TYW1: variants seen among roughly 807,000 people sequenced by gnomAD.
TYW1 encodes S-adenosyl-L-methionine-dependent tRNA 4-demethylwyosine synthase TYW1.
TYW1 carries 46 observed loss-of-function variants against 96.2 expected under a neutral mutation model. That is an observed-to-expected ratio of 0.48 (90% confidence interval 0.38 to 0.61). The LOEUF is 0.61. Among genes scored for constraint, TYW1 ranks in the 20% least tolerant of loss-of-function variants. The probability of loss-of-function intolerance (pLI) is 0.00; values close to 1 mark genes in which losing one functional copy is unlikely to be tolerated. For synonymous variants in TYW1, 274 were observed against 323.0 expected (o/e 0.85, Z 1.63); for missense variants, 684 against 909.6 (o/e 0.75, Z 3.19).
chr7:67,010,509 T>A (rs1470775413), intron 4 of TYW1, among the ~76,000 whole-genome samples: 2 of 150,300 alleles, frequency 1.3e-5, no homozygotes, highest in Non-Finnish European at 3.0e-5. Context: ...GGAGTCTCGC[T>A]CTGTCACCCA....
At chr7:67,086,420 G>A (rs12333596) in intron 11 of TYW1, among the ~76,000 whole-genome samples, 36,910 of 152,084 alleles carry the variant, frequency 0.24, 4,761 homozygotes, top group African/African-American at 0.32. Context: ...AACAGAACCA[G>A]TGGGTGTATG....
At chr7:67,237,553 G>A (rs1272046794) in intron 15 of TYW1, among the ~76,000 whole-genome samples, 1 of 150,350 alleles carries the variant, frequency 6.7e-6, no homozygotes, top group Non-Finnish European at 1.5e-5. Flanking sequence ...CTGTTTATGA[G>A]TCAGGTATCA....
At position 67,055,895 on chromosome 7, in the gene TYW1, T is replaced by A; in HGVS notation, c.1155+8T>A. 3 of 1,612,244 alleles carry A rather than the reference T, an allele frequency of 1.9e-6. No homozygotes were observed. Among genetic ancestry groups the A allele is most frequent in the Non-Finnish European group, 2.5e-6 (3 of 1,179,012 alleles). On this transcript the variant is annotated splice_region_variant and intron_variant, in intron 9 of 15. Coordinates refer to ENST00000359626, the MANE Select transcript of TYW1 (RefSeq NM_018264.4). ...CTTTGCAGGTGGACAAAGGTATTTT[T>A]TTTGTTTTTATTCAATATGTCTATT...
At chr7:67,168,705 T>C (rs566884162) in intron 13 of TYW1, among the ~76,000 whole-genome samples, 1 of 151,184 alleles carries the variant, frequency 6.6e-6, no homozygotes, top group Non-Finnish European at 1.5e-5. Flanking sequence ...TTATTTCTTA[T>C]TCTTTTTTTT....
Position 67,098,703 on chromosome 7 carries a change from T to C in TYW1, c.1547T>C (p.Phe516Ser), listed in dbSNP as rs1278171471. Residue 516 changes from phenylalanine (F) to serine (S), a missense_variant, in exon 12 of 16, where the codon TTT (phenylalanine) becomes TCT (serine). By Grantham distance (155) the Phe-to-Ser change is radical. Coordinates refer to ENST00000359626, the MANE Select transcript of TYW1 (RefSeq NM_018264.4). ...ISSFLVTNAQFPAEIRNLEPV... is the reference protein window; with the variant it reads ...ISSFLVTNAQSPAEIRNLEPV... The stretch of plus-strand genomic sequence containing the variant: ...AGCTTCCTGGTCACAAACGCACAAT[T>C]TCCTGCGGAAATCAGGTGAGTTCTC... 1 of 1,613,728 alleles carries C rather than the reference T, an allele frequency of 6.2e-7. No individual in the cohort carries two copies. Among genetic ancestry groups the C allele is most frequent in the Non-Finnish European group, 8.5e-7 (1 of 1,179,846 alleles).
At chr7:67,032,984 C>T (rs558442163) in intron 7 of TYW1, among the ~76,000 whole-genome samples, 1 of 144,404 alleles carries the variant, frequency 6.9e-6, no homozygotes, top group Admixed American at 7.3e-5. Flanking sequence ...GCAACCTCTG[C>T]CTCCCAGGTT....
intron 13 of TYW1, among the ~76,000 whole-genome samples, chr7:67,122,791 C>T (rs1478810505): frequency 1.3e-5 from 2 of 152,168 alleles, no homozygotes; most frequent in East Asian, 3.9e-4. Flanking sequence ...CTGCATCCTT[C>T]TTCCCATCCT....
chr7:67,001,450 C>A (rs1332354965), intron 3 of TYW1, among the ~76,000 whole-genome samples: 1 of 151,024 alleles, frequency 6.6e-6, no homozygotes, highest in African/African-American at 2.4e-5. Context: ...TGAGATGGAG[C>A]CTCGCTGTGT....
intron 10 of TYW1, among the ~76,000 whole-genome samples, chr7:67,070,300 A>G (rs951346459): frequency 9.2e-5 from 14 of 152,044 alleles, no homozygotes; most frequent in Non-Finnish European, 2.9e-5. Context: ...ATTTTTCAAT[A>G]ATTATTTCTT....
intron 8 of TYW1, among the ~76,000 whole-genome samples, chr7:67,051,338 T>TG (rs543101984): frequency 1.5e-3 from 225 of 152,028 alleles, no homozygotes; most frequent in African/African-American, 4.8e-3. Context: ...AGTCGGGTCT[T>TG]GCTCTTTTGC....
chr7:67,197,952 T>TCCCCCCCCCCCCCC (rs1563067011), intron 15 of TYW1, among the ~76,000 whole-genome samples: 1 of 125,978 alleles, frequency 7.9e-6, no homozygotes, highest in Admixed American at 8.8e-5. Context: ...CTCCCTTCCC[T>TCCCCCCCCCCCCCC]ACCCCTGCCC....
chr7:67,149,325 G>T (rs934177603), intron 13 of TYW1, among the ~76,000 whole-genome samples: 5 of 152,150 alleles, frequency 3.3e-5, no homozygotes, highest in Non-Finnish European at 5.9e-5. Context: ...ACCTATATTA[G>T]TGCATCTGGG....
chr7:67,218,483 A>G (rs1203379545), intron 15 of TYW1, among the ~76,000 whole-genome samples: 1 of 151,808 alleles, frequency 6.6e-6, no homozygotes, highest in African/African-American at 2.4e-5. Context: ...CCTCCTGAGT[A>G]GCTGGGACTA....
chr7:67,108,966 A>C (rs1797319601), intron 12 of TYW1, among the ~76,000 whole-genome samples: 1 of 152,160 alleles, frequency 6.6e-6, no homozygotes, highest in African/African-American at 2.4e-5. Context: ...AAGAAGTTAC[A>C]GTGAAAATAG....
chr7:67,179,865 ATT>A (rs200362190), intron 13 of TYW1, among the ~76,000 whole-genome samples: 2 of 87,182 alleles, frequency 2.3e-5, no homozygotes, highest in Admixed American at 1.2e-4. Flanking sequence ...ATATATATAT[ATT>A]TTTTTTTTTT....
At chr7:67,148,998 G>A (rs1376303416) in intron 13 of TYW1, among the ~76,000 whole-genome samples, 1 of 152,022 alleles carries the variant, frequency 6.6e-6, no homozygotes, top group East Asian at 1.9e-4. Context: ...AAGTCATCGC[G>A]CACCACCCCC....
At chr7:67,024,660 G>T (rs563653463) in intron 6 of TYW1, among the ~76,000 whole-genome samples, 2 of 151,858 alleles carry the variant, frequency 1.3e-5, no homozygotes, top group African/African-American at 2.4e-5. Context: ...AGGCGCCTGT[G>T]ATCCTAGCTA....
chr7:67,188,830 C>A (rs34567129), intron 14 of TYW1, among the ~76,000 whole-genome samples: 37 of 152,020 alleles, frequency 2.4e-4, no homozygotes, highest in African/African-American at 8.9e-4. Context: ...ACAGATATGC[C>A]TGGAGCTCCC....
chr7:67,183,623 T>G (rs1447001871), intron 14 of TYW1, among the ~76,000 whole-genome samples: 1 of 152,160 alleles, frequency 6.6e-6, no homozygotes, highest in Admixed American at 6.5e-5. Context: ...TCTAATGAAC[T>G]CCCATCCAAC....
Sources: gnomAD v4.1 joint callset for allele counts (sites outside exome capture counted in the v4.1 genomes callset) on GRCh38, gnomAD v4.1.1 for gene constraint, MANE v1.5 for transcripts, NCBI Gene and HGNC (gene_info 2026-07-23, HGNC 2026-07-21) for gene names.